ZNF696: variants seen among roughly 807,000 people sequenced by gnomAD.
ZNF696 encodes zinc finger protein 696.
In ZNF696, 10 loss-of-function variants were observed where a neutral mutation model predicts 12.3. That is an observed-to-expected ratio of 0.81 (90% confidence interval 0.50 to 1.38). The LOEUF (loss-of-function observed/expected upper bound fraction) is 1.38. Among genes scored for constraint, ZNF696 ranks in the 40% most tolerant of loss-of-function variants. The pLI is 0.00. For synonymous variants in ZNF696, 304 were observed against 243.9 expected, an observed-to-expected ratio of 1.25 and a Z score of -2.29; for missense variants, 675 against 554.7, an observed-to-expected ratio of 1.22 and a Z score of -2.18.
chr8:143,295,686 C>T (rs1815695979), intron 2 of ZNF696, 54 bp from the exon 3 acceptor site: 2 of 1,479,866 alleles, frequency 1.4e-6, no homozygotes, highest in South Asian at 1.4e-5. Context: ...CAGAGCCACC[C>T]TCGACTCACG....
Position 143,296,052 on chromosome 8 carries a change from C to G in ZNF696, c.377C>G (p.Pro126Arg). ...GGGSWKGRPF[P>R]CGACGRSFKC... ...GGCAGCTGGAAGGGGCGGCCTTTCC[C>G]GTGCGGCGCCTGTGGCCGCAGCTTC... The change falls in exon 3 of 3, where the codon CCG becomes CGG. Residue 126 changes from proline (P) to arginine (R), a missense_variant. Coordinates refer to ENST00000330143, the MANE Select transcript of ZNF696 (RefSeq NM_030895.3). 1.9e-6 allele frequency: 3 copies of G among 1,591,398 alleles called. No individual in the cohort carries two copies. The highest frequency in any genetic ancestry group is 1.7e-6 in the Non-Finnish European group (2 of 1,168,110).
Position 143,296,070 on chromosome 8 carries a change from G to A in ZNF696, c.395G>A (p.Arg132His), listed in dbSNP as rs1467352009. 3 of 1,595,338 alleles carry A rather than the reference G, an allele frequency of 1.9e-6. No homozygotes were observed. Among genetic ancestry groups the A allele is most frequent in the South Asian group, 1.1e-5 (1 of 89,506 alleles). ...GRPFPCGACG[R>H]SFKCSSDAAK... is the part of the protein sequence containing the mutation. ...CCTTTCCCGTGCGGCGCCTGTGGCC[G>A]CAGCTTCAAGTGCTCCTCGGACGCG... Residue 132 changes from arginine to histidine, a missense_variant, in exon 3 of 3, where the codon CGC (arginine) becomes CAC (histidine). By Grantham distance (29) the Arg-to-His change is conservative. Transcript: ENST00000330143.
rs766957440 is a variant in ZNF696 at position 143,296,468 on chromosome 8, T to C, written c.793T>C (p.Tyr265His). 2.5e-6 allele frequency: 4 copies of C among 1,607,888 alleles called. No homozygotes were observed. In the South Asian group the frequency reaches 3.3e-5, roughly 13 times the overall value. The stretch of plus-strand genomic sequence containing the variant: ...GCGGACCCACCACGGGGAGAACCCG[T>C]ACGAGTGCCGGGAGTGCGGCCAGGC... ...HRRTHHGENP[Y>H]ECRECGQAFS... The change falls in exon 3 of 3, where the codon TAC becomes CAC. Residue 265 changes from tyrosine to histidine, a missense_variant. Transcript: ENST00000330143.
Position 143,296,234 on chromosome 8 carries a change from G to T in ZNF696, c.559G>T (p.Gly187Cys). 1 of 1,595,978 alleles carries T rather than the reference G, an allele frequency of 6.3e-7. No homozygotes were observed. Among genetic ancestry groups the T allele is most frequent in the Non-Finnish European group, 8.5e-7 (1 of 1,174,922 alleles). Residue 187 changes from glycine to cysteine, a missense_variant, in exon 3 of 3, where the codon GGC (glycine) becomes TGC (cysteine). Transcript: ENST00000330143. ...GAGGCCCTACGCGTGCGCCGAGTGC[G>T]GCAAGGCCTTCGGCCAGAGCTTCAA... ...GERPYACAEC[G>C]KAFGQSFNLL...
At position 143,296,289 on chromosome 8, in the gene ZNF696, G is replaced by T; in HGVS notation, c.614G>T (p.Gly205Val). ...NLLRHQRVHT[G>V]EKPYACADCG... ...CTCCGGCACCAGCGCGTGCACACGGGCGAGAAGCCCTACGCGTGCGCCGAC... is the reference window on the plus strand; with the variant it reads ...CTCCGGCACCAGCGCGTGCACACGGTCGAGAAGCCCTACGCGTGCGCCGAC... Residue 205 changes from glycine to valine, a missense_variant, in exon 3 of 3, where the codon GGC (glycine) becomes GTC (valine). Physicochemically the swap from Gly to Val is moderately radical, Grantham distance 109. Transcript: ENST00000330143. 6.3e-7 allele frequency: 1 copy of T among 1,599,440 alleles called. No homozygotes were observed.
intron 2 of ZNF696, chr8:143,293,369 C>G (rs747768610): frequency 9.5e-6 from 5 of 524,814 alleles, no homozygotes; most frequent in Non-Finnish European, 1.7e-5. Flanking sequence ...ATGGACGAGT[C>G]TTTGTTGAGG....
rs778442191 is a variant in ZNF696 at position 143,295,736 on chromosome 8, T to A, written c.65-4T>A. On this transcript the variant is annotated splice_region_variant and splice_polypyrimidine_tract_variant and intron_variant, in intron 2 of 2. Transcript: ENST00000330143. ...AAATCGTTCCTGTCTGGCCTCTTTT[T>A]CAGCTGTGAAGGCTGCTTTCCTGGC... The A allele has an allele frequency of 3.4e-5, 53 of 1,578,988 alleles. 1 individual carries two copies. The South Asian group carries it at 5.9e-4, about 18-fold the overall frequency.
chr8:143,296,207 GA>G lies in ZNF696; in HGVS notation c.533del (p.Glu178GlyfsTer183). On this transcript the variant is annotated frameshift_variant, in exon 3 of 3. Coordinates refer to ENST00000330143, the MANE Select transcript of ZNF696 (RefSeq NM_030895.3). LOFTEE classifies it high-confidence loss of function. ...CCGGCACCAGCGGGCGCACAGCGGG[GA>G]GAGGCCCTACGCGTGCGCCGAGTGC... ...VVRHQRAHSG[E>X]RPYACAECGK... 1 of 1,596,590 alleles carries G rather than the reference GA, an allele frequency of 6.3e-7. No homozygotes were observed. Among genetic ancestry groups the G allele is most frequent in the Non-Finnish European group, 8.5e-7 (1 of 1,175,234 alleles).
In ZNF696 at chr8:143,295,930, T is replaced by A. The variant is rs1212068008; in HGVS notation, c.255T>A (p.Gly85=). Residue 85 remains glycine (G), a synonymous_variant, in exon 3 of 3, where the codon GGT becomes GGA. Coordinates refer to ENST00000330143, the MANE Select transcript of ZNF696 (RefSeq NM_030895.3). ...ENQEARERPG[G]SPRGPVTSEK... ...AGGAAGCCAGAGAGAGGCCCGGAGG[T>A]TCCCCTCGAGGCCCGGTCACTTCTG... The A allele has an allele frequency of 6.4e-7, 1 of 1,561,238 alleles. No individual in the cohort carries two copies. The highest frequency in any genetic ancestry group is 1.2e-5 in the South Asian group (1 of 85,646).
rs777289852 is a variant in ZNF696, at chr8:143,296,555, G to A, written c.880G>A (p.Ala294Thr). 12 of 1,598,068 alleles carry A rather than the reference G, an allele frequency of 7.5e-6. No homozygotes were observed. The South Asian group carries it at 1.1e-4, about 15-fold the overall frequency. ...QRVHTGERPF[A>T]CQDCGRAFSR... is the part of the protein sequence containing the mutation. ...CGTGCACACGGGGGAGCGGCCCTTC[G>A]CCTGCCAGGACTGCGGCCGCGCCTT... Residue 294 changes from alanine (A) to threonine (T), a missense_variant, in exon 3 of 3, where the codon GCC (alanine) becomes ACC (threonine). Transcript: ENST00000330143.
In ZNF696 at chr8:143,297,046, T is replaced by A; in HGVS notation, c.*246T>A. On this transcript the variant is annotated 3_prime_UTR_variant, in exon 3 of 3. Transcript: ENST00000330143. ...CCCAGAGGCGGGGAGGTCTCAGGGG[T>A]CTGTCCCGGGCCGGCCGCCCGCCTC... 7.0e-6 allele frequency: 3 copies of A among 428,790 alleles called. No homozygotes were observed. The highest frequency in any genetic ancestry group is 1.2e-5 in the Non-Finnish European group (3 of 248,600). The allele number at this position is 428,790 out of a possible 1,614,324, so 26.6% of individuals were successfully genotyped here.
At chr8:143,295,667 C>G in intron 2 of ZNF696, 73 bp from the exon 3 acceptor site, 1 of 1,434,318 alleles carries the variant, frequency 7.0e-7, no homozygotes, top group Non-Finnish European at 9.3e-7. Context: ...CTGTCGTCAC[C>G]ACGATTGCCA....
intron 1 of ZNF696, among the ~76,000 whole-genome samples, chr8:143,292,703 T>C (rs994535597): frequency 2.0e-5 from 3 of 152,264 alleles, no homozygotes; most frequent in African/African-American, 7.2e-5. Context: ...CACGCCCACC[T>C]GTGCTCTGCG....
rs1455931450 is a variant in ZNF696 at position 143,296,538 on chromosome 8, CG to C, written c.868del (p.Glu290SerfsTer71). 1 of 1,603,212 alleles carries C rather than the reference CG, an allele frequency of 6.2e-7. No individual in the cohort carries two copies. Among genetic ancestry groups the C allele is most frequent in the Non-Finnish European group, 8.5e-7 (1 of 1,178,286 alleles). On this transcript the variant is annotated frameshift_variant, in exon 3 of 3. Transcript: ENST00000330143. LOFTEE classifies it high-confidence loss of function. ...CTCCTCCAGCACCAGCGCGTGCACA[CG>C]GGGGAGCGGCCCTTCGCCTGCCAGG... The part of the protein sequence containing the change: ...SNLLQHQRVH[T>X]GERPFACQDC...
chr8:143,293,754 C>T, intron 2 of ZNF696, among the ~76,000 whole-genome samples: 1 of 152,258 alleles, frequency 6.6e-6, no homozygotes, highest in East Asian at 1.9e-4. Flanking sequence ...AGTTCTTGAA[C>T]TTCCAAGTCT....
At chr8:143,294,448 C>T (rs1815674845) in intron 2 of ZNF696, among the ~76,000 whole-genome samples, 1 of 151,698 alleles carries the variant, frequency 6.6e-6, no homozygotes, top group African/African-American at 2.4e-5. Context: ...TGCAGTGGCG[C>T]CAGCTCACTG....
chr8:143,295,549 G>A (rs1291715223), intron 2 of ZNF696, 191 bp from the exon 3 acceptor site: 7 of 692,980 alleles, frequency 1.0e-5, no homozygotes, highest in Admixed American at 2.3e-5. Context: ...CATAACCATG[G>A]GGGTTAAGAA....
chr8:143,296,635 C>T lies in ZNF696; in HGVS notation c.960C>T (p.Pro320=), dbSNP rs762968617. ...EHRRIHTGEK[P]HQCGHCGRAF... is the part of the protein sequence containing the mutation. ...GCCGCATCCACACCGGGGAGAAGCC[C>T]CACCAGTGCGGCCACTGCGGGCGCG... is the stretch of plus-strand genomic sequence containing the variant. The change falls in exon 3 of 3, where the codon CCC becomes CCT. Residue 320 remains proline (P), a synonymous_variant. Coordinates refer to ENST00000330143, the MANE Select transcript of ZNF696 (RefSeq NM_030895.3). The T allele has an allele frequency of 1.9e-6, 3 of 1,585,340 alleles. No homozygotes were observed. The highest frequency in any genetic ancestry group is 3.5e-5 in the Admixed American group (2 of 57,742).
rs746139536 is a variant in ZNF696, at chr8:143,296,207, G to C, written c.532G>C (p.Glu178Gln). 6.3e-7 allele frequency: 1 copy of C among 1,596,590 alleles called. No individual in the cohort carries two copies. The highest frequency in any genetic ancestry group is 1.7e-5 in the Admixed American group (1 of 58,546). ...VVRHQRAHSG[E>Q]RPYACAECGK... ...CCGGCACCAGCGGGCGCACAGCGGG[G>C]AGAGGCCCTACGCGTGCGCCGAGTG... The change falls in exon 3 of 3, where the codon GAG (glutamate) becomes CAG (glutamine). Residue 178 changes from glutamate (E) to glutamine (Q), a missense_variant. Transcript: ENST00000330143.
Sources: gnomAD v4.1 joint callset for allele counts (sites outside exome capture counted in the v4.1 genomes callset) on GRCh38, gnomAD v4.1.1 for gene constraint, MANE v1.5 for transcripts, NCBI Gene and HGNC (gene_info 2026-07-23, HGNC 2026-07-21) for gene names.